Variants in ELANE observed in about 807,000 individuals in gnomAD.
The protein encoded by ELANE is neutrophil elastase.
Under a neutral mutation model 20.6 loss-of-function variants are expected in ELANE, and 12 were observed. The ratio of observed to expected loss-of-function variants is 0.58; its 90% CI spans 0.37 to 0.94. The LOEUF (loss-of-function observed/expected upper bound fraction) is 0.94. Ranked by LOEUF, ELANE falls within the 40% of genes least tolerant of loss-of-function variation. The pLI, the probability that ELANE is intolerant of heterozygous loss-of-function variation, is 0.01. For synonymous variants in ELANE, 203 were observed against 177.4 expected (o/e 1.14, Z -1.15); for missense variants, 388 against 395.2 (o/e 0.98, Z 0.15).
chr19:854,648 TAC>T (rs559748821), intron 3 of ELANE, among the ~76,000 whole-genome samples: 11 of 147,780 alleles, frequency 7.4e-5, no homozygotes, highest in Admixed American at 2.7e-4. Flanking sequence ...TATATATATA[TAC>T]ACACACACAT....
intron 2 of ELANE, 85 bp from the exon 3 acceptor site, chr19:853,177 C>A: frequency 2.0e-6 from 3 of 1,496,140 alleles, no homozygotes; most frequent in Non-Finnish European, 2.7e-6. Flanking sequence ...CGCCCTCAGG[C>A]CCGTCGCCGG....
chr19:856,213 A>G lies in ELANE; in HGVS notation c.*49A>G, dbSNP rs2035680279. 1.3e-6 allele frequency: 2 copies of G among 1,591,796 alleles called. No homozygotes were observed. The highest frequency in any genetic ancestry group is 1.7e-5 in the Admixed American group (1 of 59,970). ...GCTGCCCACACCCACACTCTCCAGC[A>G]TCTGGCACAATAAACATTCTCTGTT... On this transcript the variant is annotated 3_prime_UTR_variant, in exon 5 of 5. Coordinates refer to ENST00000263621, the MANE Select transcript of ELANE (RefSeq NM_001972.4).
Position 855,778 on chromosome 19 carries a change from A to T in ELANE, c.581A>T (p.Gln194Leu). ...GTCTGCACTCTCGTGAGGGGCCGGC[A>T]GGCCGGCGTCTGTTTCGTACGTGCC... ...SNVCTLVRGR[Q>L]AGVCFGDSGS... The change falls in exon 4 of 5, where the codon CAG (glutamine) becomes CTG (leucine). Residue 194 changes from glutamine (Q) to leucine (L), a missense_variant. Physicochemically the swap from Gln to Leu is moderately radical, Grantham distance 113 (BLOSUM62 -2). This residue lies in a region of ELANE where 321 missense variants were observed against 309.8 expected (regional missense o/e 1.04). Coordinates refer to ENST00000263621, the MANE Select transcript of ELANE (RefSeq NM_001972.4). This position sits in a 1 kb window ranked among gnomAD's most constrained non-coding sequence, Gnocchi z 6.2. The T allele has an allele frequency of 2.5e-6, 4 of 1,608,804 alleles. No individual in the cohort carries two copies. Among genetic ancestry groups the T allele is most frequent in the South Asian group, 1.1e-5 (1 of 91,018 alleles).
intron 3 of ELANE, among the ~76,000 whole-genome samples, chr19:854,208 C>G (rs1185025832): frequency 6.6e-6 from 1 of 152,080 alleles, no homozygotes; most frequent in Non-Finnish European, 1.5e-5. Context: ...CTTTGGGAGG[C>G]TGAGGCGGGT....
rs17222996 is a variant in ELANE at position 852,426 on chromosome 19, C to T, written c.67+31C>T. On this transcript the variant is annotated intron_variant, in intron 1 of 4. Coordinates refer to ENST00000263621, the MANE Select transcript of ELANE (RefSeq NM_001972.4). ...TTTTTGAGTCCAACCTCCCGCTGCTCCCTCTGTCCCGGGTTCTGTTCCCAC... is the reference window on the plus strand; with the variant it reads ...TTTTTGAGTCCAACCTCCCGCTGCTTCCTCTGTCCCGGGTTCTGTTCCCAC... 188 of 1,599,710 alleles carry T rather than the reference C, an allele frequency of 1.2e-4. No individual in the cohort carries two copies. In the East Asian group the frequency reaches 4.1e-3, roughly 35 times the overall value.
chr19:853,349 C>G lies in ELANE; in HGVS notation c.312C>G (p.Ile104Met). 1 of 1,611,774 alleles carries G rather than the reference C, an allele frequency of 6.2e-7. No homozygotes were observed. The highest frequency in any genetic ancestry group is 1.7e-5 in the Admixed American group (1 of 59,932). ...PTRQVFAVQR[I>M]FENGYDPVNL... Reference sequence around the variant, plus strand: ...GGCAGGTGTTCGCCGTGCAGCGCATCTTCGAAAACGGCTACGACCCCGTAA... The same window carrying G: ...GGCAGGTGTTCGCCGTGCAGCGCATGTTCGAAAACGGCTACGACCCCGTAA... Residue 104 changes from isoleucine to methionine, a missense_variant, in exon 3 of 5, where the codon ATC becomes ATG. By Grantham distance (10) the Ile-to-Met change is conservative. Around this residue, in one of 3 missense-constraint regions of ELANE, gnomAD observed 321 missense variants for 309.8 expected, o/e 1.04. Transcript: ENST00000263621.
In ELANE at chr19:852,386, C is replaced by CTG; in HGVS notation, c.59_60dup (p.Leu21CysfsTer40). 1 of 1,611,448 alleles carries CTG rather than the reference C, an allele frequency of 6.2e-7. No homozygotes were observed. Among genetic ancestry groups the CTG allele is most frequent in the Non-Finnish European group, 8.5e-7 (1 of 1,179,832 alleles). The stretch of plus-strand genomic sequence containing the variant: ...CCTCGCCTGTGTCCTGCCGGCCTTG[C>CTG]TGCTGGGGGGTGAGTTTTTGAGTCC... On this transcript the variant is annotated frameshift_variant, in exon 1 of 5. Transcript: ENST00000263621. LOFTEE classifies it high-confidence loss of function.
intron 2 of ELANE, 108 bp downstream of exon 2, chr19:853,140 G>T (rs547487163): frequency 6.8e-7 from 1 of 1,467,518 alleles, no homozygotes; most frequent in East Asian, 2.6e-5. Flanking sequence ...GGTCCGTCCA[G>T]GGCCCGCGGG....
intron 2 of ELANE, 57 bp downstream of exon 2, chr19:853,089 T>A: frequency 1.1e-6 from 1 of 940,026 alleles, no homozygotes; most frequent in South Asian, 1.5e-5. Context: ...GTCTGTGAGG[T>A]GGGTGGGGGG....
At position 855,766 on chromosome 19, in the gene ELANE, T is replaced by G. The variant is rs1322572531; in HGVS notation, c.569T>G (p.Val190Gly). The change falls in exon 4 of 5, where the codon GTG (valine) becomes GGG (glycine). Residue 190 changes from valine to glycine, a missense_variant. Physicochemically the swap from Val to Gly is moderately radical, Grantham distance 109 (BLOSUM62 -3). This residue lies in a region of ELANE where 321 missense variants were observed against 309.8 expected (regional missense o/e 1.04). Transcript: ENST00000263621. The surrounding 1 kb of genome is among the most constrained non-coding windows in gnomAD (Gnocchi z 6.2). The stretch of plus-strand genomic sequence containing the variant: ...CGTCGCAGCAACGTCTGCACTCTCG[T>G]GAGGGGCCGGCAGGCCGGCGTCTGT... ...LCRRSNVCTL[V>G]RGRQAGVCFG... 3.7e-6 allele frequency: 6 copies of G among 1,609,188 alleles called. No individual in the cohort carries two copies. Among genetic ancestry groups the G allele is most frequent in the Non-Finnish European group, 4.2e-6 (5 of 1,179,934 alleles).
chr19:852,393 G>T lies in ELANE; in HGVS notation c.65G>T (p.Gly22Val). ...TGTGTCCTGCCGGCCTTGCTGCTGG[G>T]GGGTGAGTTTTTGAGTCCAACCTCC... The part of the protein sequence containing the change: ...LACVLPALLL[G>V]GTALASEIVG... The change falls in exon 1 of 5, where the codon GGG becomes GTG. Residue 22 changes from glycine to valine, a missense_variant and splice_region_variant. Gly to Val is a moderately radical substitution (Grantham distance 109). Transcript: ENST00000263621. 6.2e-7 allele frequency: 1 copy of T among 1,611,240 alleles called. No homozygotes were observed.
chr19:854,051 T>TC (rs1304274920), intron 3 of ELANE, among the ~76,000 whole-genome samples: 2 of 152,230 alleles, frequency 1.3e-5, no homozygotes, highest in Non-Finnish European at 2.9e-5. Context: ...GTCTCTCCAT[T>TC]CACCAGTCCT....
chr19:854,636 A>AAG (rs1555709727), intron 3 of ELANE, among the ~76,000 whole-genome samples: 2 of 147,800 alleles, frequency 1.4e-5, no homozygotes, highest in Non-Finnish European at 3.0e-5. Context: ...ACGTCTGGCT[A>AAG]ATATATATAT....
rs2145144319 is a variant in ELANE at position 853,048 on chromosome 19, T to G, written c.224+16T>G. On this transcript the variant is annotated intron_variant, in intron 2 of 4. Transcript: ENST00000263621. ...TGGCGAATGTGTGAGTAGCCGGGAG[T>G]GTGCGCGCCCGGCTCGGACCCCGCG... is the stretch of plus-strand genomic sequence containing the variant. The G allele has an allele frequency of 6.6e-7, 1 of 1,520,948 alleles. No individual in the cohort carries two copies. The highest frequency in any genetic ancestry group is 2.6e-5 in the East Asian group (1 of 38,584). 94.2% of individuals were successfully genotyped at this position (1,520,948 alleles called of 1,614,324 possible).
Position 855,443 on chromosome 19 carries a change from C to A in ELANE, c.367-121C>A. 1 of 1,136,548 alleles carries A rather than the reference C, an allele frequency of 8.8e-7. No homozygotes were observed. The highest frequency in any genetic ancestry group is 1.3e-6 in the Non-Finnish European group (1 of 783,556). The allele number at this position is 1,136,548 out of a possible 1,614,324, so 70.4% of individuals were successfully genotyped here. ...GGGAGCAGAGTGTGGGGTGGGTATC[C>A]TGCCCTGCAGGATCCCAGAACCACA... On this transcript the variant is annotated intron_variant, in intron 3 of 4. Transcript: ENST00000263621. The surrounding 1 kb of genome is among the most constrained non-coding windows in gnomAD (Gnocchi z 6.2).
In ELANE at chr19:854,636, A is replaced by AAT. The variant is rs931527825; in HGVS notation, c.367-916_367-915dup. Among the ~76,000 whole-genome samples, 466 of 147,824 alleles carry AAT rather than the reference A, an allele frequency of 3.2e-3. 2 individuals carry two copies. The highest frequency in any genetic ancestry group is 0.01 in the African/African-American group (407 of 40,244). On this transcript the variant is annotated intron_variant, in intron 3 of 4. Coordinates refer to ENST00000263621, the MANE Select transcript of ELANE (RefSeq NM_001972.4). ...CCACGTGGGTCCACCACGTCTGGCT[A>AAT]ATATATATATATACACACACACATA...
intron 3 of ELANE, among the ~76,000 whole-genome samples, chr19:854,027 C>T (rs1054052623): frequency 2.3e-4 from 35 of 152,212 alleles, no homozygotes; most frequent in Non-Finnish European, 4.0e-4. Flanking sequence ...AACAAACTTA[C>T]TGAGATTCTT....
At chr19:854,363 G>C (rs1441286654) in intron 3 of ELANE, among the ~76,000 whole-genome samples, 1 of 151,126 alleles carries the variant, frequency 6.6e-6, no homozygotes, top group African/African-American at 2.4e-5. Context: ...AAGGAGAATC[G>C]CTTGAACCCC....
chr19:853,281 G>C lies in ELANE; in HGVS notation c.244G>C (p.Val82Leu). 6.2e-7 allele frequency: 1 copy of C among 1,607,002 alleles called. No homozygotes were observed. ...CGGCAGAAACGTCCGCGCGGTGCGGGTGGTCCTGGGAGCCCATAACCTCTC... is the reference window on the plus strand; with the variant it reads ...CGGCAGAAACGTCCGCGCGGTGCGGCTGGTCCTGGGAGCCCATAACCTCTC... The part of the protein sequence containing the change: ...VANVNVRAVR[V>L]VLGAHNLSRR... Residue 82 changes from valine to leucine, a missense_variant, in exon 3 of 5, where the codon GTG becomes CTG. Around this residue, in one of 3 missense-constraint regions of ELANE, gnomAD observed 321 missense variants for 309.8 expected, o/e 1.04. Coordinates refer to ENST00000263621, the MANE Select transcript of ELANE (RefSeq NM_001972.4).
Sources: allele counts gnomAD v4.1 joint callset (sites outside exome capture counted in the v4.1 genomes callset), GRCh38; gene constraint gnomAD v4.1.1; regional missense constraint gnomAD v4.1.1; non-coding constraint Gnocchi (gnomAD v3.1); transcripts MANE v1.5; gene names NCBI Gene and HGNC (gene_info 2026-07-23, HGNC 2026-07-21).